NALF1: variants seen among roughly 807,000 people sequenced by gnomAD.
The protein encoded by NALF1 is NALCN channel auxiliary factor 1.
Under a neutral mutation model 48.4 loss-of-function variants are expected in NALF1, and 3 were observed. That is an observed-to-expected ratio of 0.06 (90% confidence interval 0.03 to 0.16). The LOEUF (loss-of-function observed/expected upper bound fraction) is 0.16, where lower values mean the gene tolerates loss of function less well. Among genes scored for constraint, NALF1 ranks in the 10% least tolerant of loss-of-function variants. NALF1 has a pLI of 1.00. For missense variants in NALF1, 526 were observed against 571.5 expected, an observed-to-expected ratio of 0.92 and a Z score of 0.81; for synonymous variants, 262 against 245.7, an observed-to-expected ratio of 1.07 and a Z score of -0.62.
At chr13:107,270,506 C>T (rs1020882691) in intron 1 of NALF1, among the ~76,000 whole-genome samples, 1 of 151,828 alleles carries the variant, frequency 6.6e-6, no homozygotes, top group Non-Finnish European at 1.5e-5. Flanking sequence ...AAAGGTATTT[C>T]AAGATGTTAG....
intron 1 of NALF1, among the ~76,000 whole-genome samples, chr13:107,236,565 TA>T: frequency 6.6e-6 from 1 of 152,308 alleles, no homozygotes; most frequent in South Asian, 2.1e-4. Context: ...ATGTGTTTCT[TA>T]ATGCTAGACA....
intron 1 of NALF1, among the ~76,000 whole-genome samples, chr13:107,364,165 G>A (rs1883112050): frequency 6.6e-6 from 1 of 152,146 alleles, no homozygotes; most frequent in African/African-American, 2.4e-5. Context: ...CAATTATAGA[G>A]CTTACAATGC....
At chr13:107,495,090 C>T (rs1242866044) in intron 1 of NALF1, among the ~76,000 whole-genome samples, 1 of 152,178 alleles carries the variant, frequency 6.6e-6, no homozygotes, top group South Asian at 2.1e-4. Flanking sequence ...CTCTTGATTG[C>T]TCAATGAAAC....
intron 1 of NALF1, among the ~76,000 whole-genome samples, chr13:107,492,446 T>C (rs1441611019): frequency 6.6e-6 from 1 of 152,144 alleles, no homozygotes; most frequent in African/African-American, 2.4e-5. Context: ...TGTCCTCTTG[T>C]TGCCGCACAT....
chr13:107,619,325 TAC>T (rs921138776), intron 1 of NALF1, among the ~76,000 whole-genome samples: 2 of 152,174 alleles, frequency 1.3e-5, no homozygotes, highest in African/African-American at 2.4e-5. Flanking sequence ...TCAAGATGTG[TAC>T]AGAGAGGATG....
In NALF1 at chr13:107,271,774, CTATATA is replaced by C. The variant is rs397838456; in HGVS notation, c.916-61025_916-61020del. ...TTCCTTCTCCTCTTTTGCTACTGGACTATATATATATATATATATATATATATATAT... is the reference window on the plus strand; with the variant it reads ...TTCCTTCTCCTCTTTTGCTACTGGACTATATATATATATATATATATATAT... On this transcript the variant is annotated intron_variant, in intron 1 of 2. Transcript: ENST00000375915. Among the ~76,000 whole-genome samples the C allele has an allele frequency of 6.3e-3, 173 of 27,602 alleles. 1 individual carries two copies. The highest frequency in any genetic ancestry group is 0.016 in the African/African-American group (161 of 10,330). The allele number at this position is 27,602 out of a possible 152,430, so 18.1% of individuals were successfully genotyped here.
At chr13:107,290,722 T>G (rs1881604429) in intron 1 of NALF1, among the ~76,000 whole-genome samples, 1 of 152,224 alleles carries the variant, frequency 6.6e-6, no homozygotes, top group Non-Finnish European at 1.5e-5. Flanking sequence ...ATGTATTTCT[T>G]GTATCATTAT....
intron 1 of NALF1, among the ~76,000 whole-genome samples, chr13:107,791,460 C>T (rs993503824): frequency 1.3e-5 from 2 of 152,058 alleles, no homozygotes; most frequent in African/African-American, 4.8e-5. Flanking sequence ...GTCAAGTTTT[C>T]CACAAGGGCA....
At chr13:107,515,357 G>A (rs1487081452) in intron 1 of NALF1, among the ~76,000 whole-genome samples, 1 of 152,164 alleles carries the variant, frequency 6.6e-6, no homozygotes, top group Non-Finnish European at 1.5e-5. Flanking sequence ...AGTATGTTGA[G>A]TATTAAATAT....
At chr13:107,859,839 C>G (rs1349020039) in intron 1 of NALF1, among the ~76,000 whole-genome samples, 1 of 143,766 alleles carries the variant, frequency 7.0e-6, no homozygotes, top group Non-Finnish European at 1.5e-5. Context: ...CGCTTGAACT[C>G]AGGAGGAGGA....
chr13:107,791,781 C>G (rs114804447), intron 1 of NALF1, among the ~76,000 whole-genome samples: 3 of 143,702 alleles, frequency 2.1e-5, no homozygotes, highest in Non-Finnish European at 3.0e-5. Context: ...TGATCCCCGC[C>G]CCCCCCCGTC....
At chr13:107,794,539 A>C (rs1004612259) in intron 1 of NALF1, among the ~76,000 whole-genome samples, 12 of 151,658 alleles carry the variant, frequency 7.9e-5, no homozygotes, top group Non-Finnish European at 1.6e-4. Context: ...ATTGAAAAAC[A>C]AAAAAACATT....
chr13:107,284,662 G>T (rs115959379), intron 1 of NALF1, among the ~76,000 whole-genome samples: 2,119 of 152,228 alleles, frequency 0.014, 54 homozygotes, highest in African/African-American at 0.049. Flanking sequence ...AGGTTTAGAT[G>T]CGGTCATAAA....
In NALF1 at chr13:107,346,017, A is replaced by G. The variant is rs568411568; in HGVS notation, c.916-135262T>C. On this transcript the variant is annotated intron_variant, in intron 1 of 2. Coordinates refer to ENST00000375915, the MANE Select transcript of NALF1 (RefSeq NM_001080396.3). ...ACATGCATAGGAAAAGACGCTCAAC[A>G]TCACTAATCACCATGGAAATGCAAG... 3.3e-5 allele frequency among the ~76,000 whole-genome samples: 5 copies of G among 152,290 alleles called. No individual in the cohort carries two copies. The South Asian group carries it at 1.0e-3, about 32-fold the overall frequency.
intron 1 of NALF1, among the ~76,000 whole-genome samples, chr13:107,615,137 A>C (rs1390195412): frequency 1.3e-5 from 2 of 152,222 alleles, no homozygotes; most frequent in Non-Finnish European, 2.9e-5. Context: ...CATTACAAAA[A>C]TAAGTTGACA....
chr13:107,439,038 A>C lies in NALF1; in HGVS notation c.916-228283T>G, dbSNP rs80181478. On this transcript the variant is annotated intron_variant, in intron 1 of 2. Transcript: ENST00000375915. Reference sequence around the variant, plus strand: ...AAAAGTTGAGAGAAAGAAACTTCACACAACGCATTAGCTAAAACACACGCA... The same window carrying C: ...AAAAGTTGAGAGAAAGAAACTTCACCCAACGCATTAGCTAAAACACACGCA... Among the ~76,000 whole-genome samples the C allele has an allele frequency of 6.9e-3, 1,052 of 152,014 alleles. 38 individuals carry two copies. In the East Asian group the frequency reaches 0.11, roughly 16 times the overall value.
chr13:107,343,211 C>T (rs768666689), intron 1 of NALF1, among the ~76,000 whole-genome samples: 4 of 152,108 alleles, frequency 2.6e-5, no homozygotes, highest in Non-Finnish European at 4.4e-5. Context: ...AACAAGAAAT[C>T]AATAGCAGTG....
At chr13:107,408,116 T>C (rs1208698273) in intron 1 of NALF1, among the ~76,000 whole-genome samples, 2 of 152,024 alleles carry the variant, frequency 1.3e-5, no homozygotes, top group Non-Finnish European at 1.5e-5. Flanking sequence ...CTGGGAATGA[T>C]AGCCTGGGAG....
At chr13:107,800,196 T>C (rs1182806062) in intron 1 of NALF1, among the ~76,000 whole-genome samples, 3 of 152,168 alleles carry the variant, frequency 2.0e-5, no homozygotes, top group African/African-American at 4.8e-5. Flanking sequence ...TCTGAAGTTT[T>C]GTCTCAGGTG....
Sources: gnomAD v4.1 joint callset for allele counts (sites outside exome capture counted in the v4.1 genomes callset) on GRCh38, gnomAD v4.1.1 for gene constraint, MANE v1.5 for transcripts, NCBI Gene and HGNC (gene_info 2026-07-23, HGNC 2026-07-21) for gene names.